The following FBXL17 variants were observed in gnomAD, a reference collection of about 807,000 sequenced individuals.
FBXL17 encodes F-box/LRR-repeat protein 17.
Under a neutral mutation model 66.2 loss-of-function variants are expected in FBXL17, and 22 were observed. The ratio of observed to expected loss-of-function variants is 0.33; its 90% CI spans 0.24 to 0.47. The LOEUF (loss-of-function observed/expected upper bound fraction) is 0.47. Among genes scored for constraint, FBXL17 ranks in the 20% least tolerant of loss-of-function variants. The probability of loss-of-function intolerance (pLI) is 1.00; values close to 1 mark genes in which losing one functional copy is unlikely to be tolerated. For missense variants in FBXL17, 878 were observed against 948.2 expected, an observed-to-expected ratio of 0.93 and a Z score of 0.97; for synonymous variants, 474 against 400.5, an observed-to-expected ratio of 1.18 and a Z score of -2.19.
At chr5:108,083,039 G>T (rs1748827322) in intron 6 of FBXL17, among the ~76,000 whole-genome samples, 1 of 152,108 alleles carries the variant, frequency 6.6e-6, no homozygotes, top group Non-Finnish European at 1.5e-5. Flanking sequence ...TTTTGCTGTT[G>T]TCCATGACTG....
chr5:108,060,267 A>T (rs2112842654), intron 6 of FBXL17, among the ~76,000 whole-genome samples: 1 of 152,198 alleles, frequency 6.6e-6, no homozygotes, highest in South Asian at 2.1e-4. Context: ...TAAATGGAGA[A>T]GAAAGTTTAT....
intron 4 of FBXL17, among the ~76,000 whole-genome samples, chr5:108,303,644 G>A (rs943169489): frequency 6.6e-6 from 1 of 151,878 alleles, no homozygotes; most frequent in African/African-American, 2.4e-5. Context: ...TTTAACTACA[G>A]CAAAATTTTC....
intron 7 of FBXL17, among the ~76,000 whole-genome samples, chr5:107,889,829 C>G (rs570268192): frequency 6.6e-6 from 1 of 152,232 alleles, no homozygotes; most frequent in African/African-American, 2.4e-5. Flanking sequence ...TGAAAACAGA[C>G]AAAAATTTGA....
chr5:108,055,777 G>T (rs1326049410), intron 6 of FBXL17, among the ~76,000 whole-genome samples: 3 of 151,784 alleles, frequency 2.0e-5, no homozygotes, highest in African/African-American at 7.3e-5. Context: ...TTCACCTGGA[G>T]AAATAAATCT....
rs183743626 is a variant in FBXL17, at chr5:108,122,641, C to T, written c.1745+63476G>A. 5.6e-3 allele frequency among the ~76,000 whole-genome samples: 852 copies of T among 152,148 alleles called. 10 individuals carry two copies. Among genetic ancestry groups the T allele is most frequent in the African/African-American group, 0.019 (791 of 41,532 alleles). On this transcript the variant is annotated intron_variant, in intron 6 of 8. Coordinates refer to ENST00000542267, the MANE Select transcript of FBXL17 (RefSeq NM_001163315.3). The stretch of plus-strand genomic sequence containing the variant: ...ACATTACAGAAATGTAAAACGAATG[C>T]CAATTGTGTATTCACACAAAAGCAA...
At chr5:107,880,798 A>C (rs1235544411) in intron 8 of FBXL17, 1 of 1,351,774 alleles carries the variant, frequency 7.4e-7, no homozygotes, top group African/African-American at 1.5e-5. Context: ...GTATATGATT[A>C]CTTTTTCTTT....
Position 107,890,452 on chromosome 5 carries a change from C to T in FBXL17, c.1823-9273G>A, listed in dbSNP as rs148451465. On this transcript the variant is annotated intron_variant, in intron 7 of 8. Coordinates refer to ENST00000542267, the MANE Select transcript of FBXL17 (RefSeq NM_001163315.3). ...CAAGGCAGGCAGATTGCTTGAGGCC[C>T]GGAGTTCAAGACCAGCCTGGGCAAC... Among the ~76,000 whole-genome samples the T allele has an allele frequency of 6.3e-4, 95 of 151,614 alleles. 1 individual carries two copies. In the East Asian group the frequency reaches 0.01, roughly 16 times the overall value.
intron 5 of FBXL17, among the ~76,000 whole-genome samples, chr5:108,207,127 T>C (rs1305421446): frequency 6.6e-6 from 1 of 152,110 alleles, no homozygotes; most frequent in Non-Finnish European, 1.5e-5. Flanking sequence ...ATAAAAGTGA[T>C]GTGAATGTGG....
intron 8 of FBXL17, chr5:107,878,633 T>C (rs770061954): frequency 1.7e-5 from 17 of 985,286 alleles, no homozygotes; most frequent in Non-Finnish European, 1.9e-5. Context: ...TGAATCTTGA[T>C]GGTAACTTAA....
At chr5:108,281,131 A>G (rs949721722) in intron 4 of FBXL17, among the ~76,000 whole-genome samples, 3 of 151,890 alleles carry the variant, frequency 2.0e-5, no homozygotes, top group African/African-American at 7.2e-5. Flanking sequence ...CAAAAAAATG[A>G]TAAAGGCTGG....
At chr5:108,172,613 T>C (rs1445353232) in intron 6 of FBXL17, among the ~76,000 whole-genome samples, 1 of 152,216 alleles carries the variant, frequency 6.6e-6, no homozygotes, top group Admixed American at 6.5e-5. Context: ...GTAATATTAC[T>C]CTGCTGCTTC....
intron 7 of FBXL17, among the ~76,000 whole-genome samples, chr5:108,004,743 A>G (rs1303609777): frequency 6.6e-6 from 1 of 152,180 alleles, no homozygotes. Flanking sequence ...AAGCTTGAAA[A>G]ATTTTTAGCC....
At chr5:107,904,996 C>CAAAT (rs1454473333) in intron 7 of FBXL17, among the ~76,000 whole-genome samples, 2 of 151,692 alleles carry the variant, frequency 1.3e-5, no homozygotes, top group African/African-American at 2.4e-5. Flanking sequence ...AGGAAGATCC[C>CAAAT]AAATAAGTGA....
intron 4 of FBXL17, among the ~76,000 whole-genome samples, chr5:108,338,210 G>A (rs1746639198): frequency 1.3e-5 from 2 of 152,020 alleles, no homozygotes; most frequent in African/African-American, 4.8e-5. Context: ...AGAACATGAT[G>A]CAAATAATTT....
rs1748077855 is a variant in FBXL17 at position 107,860,005 on chromosome 5, A to G, written c.*1715T>C. Reference sequence around the variant, plus strand: ...TTATTCCCTTCAAATTAAATTAGAAACCCATTTAGTTATGGGAAGAATACT... The same window carrying G: ...TTATTCCCTTCAAATTAAATTAGAAGCCCATTTAGTTATGGGAAGAATACT... On this transcript the variant is annotated 3_prime_UTR_variant, in exon 9 of 9. Transcript: ENST00000542267. The G allele has an allele frequency of 6.6e-6, 1 of 152,182 alleles. No individual in the cohort carries two copies. Among genetic ancestry groups the G allele is most frequent in the Admixed American group, 6.5e-5 (1 of 15,286 alleles). 9.4% of individuals were successfully genotyped at this position (152,182 alleles called of 1,614,324 possible).
At chr5:108,028,493 A>C (rs1384758898) in intron 6 of FBXL17, among the ~76,000 whole-genome samples, 7 of 152,164 alleles carry the variant, frequency 4.6e-5, no homozygotes. Context: ...AAGCACTCAG[A>C]AGATGAGATT....
At chr5:108,067,444 C>A (rs1748159191) in intron 6 of FBXL17, among the ~76,000 whole-genome samples, 1 of 152,070 alleles carries the variant, frequency 6.6e-6, no homozygotes, top group South Asian at 2.1e-4. Flanking sequence ...CAAATTACTA[C>A]TATAAATAAC....
intron 4 of FBXL17, among the ~76,000 whole-genome samples, chr5:108,279,968 T>C (rs1403433452): frequency 6.6e-6 from 1 of 151,898 alleles, no homozygotes; most frequent in East Asian, 1.9e-4. Context: ...TTCAAGACAT[T>C]TGGGACAATG....
intron 6 of FBXL17, among the ~76,000 whole-genome samples, chr5:108,051,147 T>C (rs1747457556): frequency 6.6e-6 from 1 of 152,216 alleles, no homozygotes; most frequent in Admixed American, 6.5e-5. Flanking sequence ...AGCCCAATTC[T>C]ACCAGAGGTA....
Sources: allele counts gnomAD v4.1 joint callset (sites outside exome capture counted in the v4.1 genomes callset), GRCh38; gene constraint gnomAD v4.1.1; transcripts MANE v1.5; gene names NCBI Gene and HGNC (gene_info 2026-07-23, HGNC 2026-07-21).